ALKBH2: variants seen among roughly 807,000 people sequenced by gnomAD.
The protein encoded by ALKBH2 is alkB homolog 2, alpha-ketoglutarate dependent dioxygenase.
A neutral mutation model predicts 19.7 loss-of-function variants in ALKBH2; 19 were observed. That is an observed-to-expected ratio of 0.97 (90% CI 0.67 to 1.42). The LOEUF (loss-of-function observed/expected upper bound fraction) is 1.42. Among genes scored for constraint, ALKBH2 ranks in the 40% most tolerant of loss-of-function variants. ALKBH2 has a pLI of 0.00. For missense variants in ALKBH2, 310 were observed against 328.5 expected, an observed-to-expected ratio of 0.94 and a Z score of 0.43; for synonymous variants, 135 against 131.2, an observed-to-expected ratio of 1.03 and a Z score of -0.20.
rs757207138 is a variant in ALKBH2, at chr12:109,092,652, G to T, written c.135C>A (p.Ala45=). The change falls in exon 2 of 4, where the codon GCC becomes GCA. Residue 45 remains alanine (A), a synonymous_variant. Transcript: ENST00000429722. The stretch of plus-strand genomic sequence containing the variant: ...CTGCTGAGTGGCCTCCATTCCCTGG[G>T]GCCTCTCTCCTGGGCCTCTTCCTTG... The part of the protein sequence containing the change: ...ESTRKRPRRE[A]PGNGGHSAGP... 6.2e-7 allele frequency: 1 copy of T among 1,614,084 alleles called. No individual in the cohort carries two copies.
In ALKBH2 at chr12:109,092,820, C is replaced by A. The variant is rs776194581; in HGVS notation, c.-34G>T. ...CACAGGAAAGAAGGGACGTCAGTGGCGAGGCCAAGACAGAAATTGCTCAAG... is the reference window on the plus strand; with the variant it reads ...CACAGGAAAGAAGGGACGTCAGTGGAGAGGCCAAGACAGAAATTGCTCAAG... On this transcript the variant is annotated 5_prime_UTR_variant, in exon 2 of 4. Coordinates refer to ENST00000429722, the MANE Select transcript of ALKBH2 (RefSeq NM_001145374.2). 2.5e-6 allele frequency: 4 copies of A among 1,571,958 alleles called. No individual in the cohort carries two copies. The East Asian group carries it at 6.7e-5, about 27-fold the overall frequency.
chr12:109,088,394 T>C lies in ALKBH2; in HGVS notation c.598A>G (p.Lys200Glu). 1.2e-6 allele frequency: 2 copies of C among 1,613,618 alleles called. No individual in the cohort carries two copies. Among genetic ancestry groups the C allele is most frequent in the Non-Finnish European group, 8.5e-7 (1 of 1,179,960 alleles). The change falls in exon 4 of 4, where the codon AAG becomes GAG. Residue 200 changes from lysine (K) to glutamate (E), a missense_variant. By Grantham distance (56) the Lys-to-Glu change is moderately conservative. Coordinates refer to ENST00000429722, the MANE Select transcript of ALKBH2 (RefSeq NM_001145374.2). This position sits in a 1 kb window ranked among gnomAD's most constrained non-coding sequence, Gnocchi z 4.2. ...GAGGGGCTTTTCCCACGGGAATCCT[T>C]ATGCCGGAAGACAAAGTCTCTGCAG... ...GACRDFVFRHKDSRGKSPSRR... is the reference protein window; with the variant it reads ...GACRDFVFRHEDSRGKSPSRR...
chr12:109,089,843 G>C, intron 3 of ALKBH2, 166 bp downstream of exon 3: 1 of 665,916 alleles, frequency 1.5e-6, no homozygotes, highest in Non-Finnish European at 2.6e-6. Flanking sequence ...TCCGGGATGA[G>C]CTCCAGGATC....
chr12:109,092,932 C>A lies in ALKBH2; in HGVS notation c.-146G>T. On this transcript the variant is annotated 5_prime_UTR_variant, in exon 2 of 4. The change abolishes an upstream ATG in the 5' untranslated region. Coordinates refer to ENST00000429722, the MANE Select transcript of ALKBH2 (RefSeq NM_001145374.2). Reference sequence around the variant, plus strand: ...ACATTTTCATTTTAAAGTTTAAAACCATGTCCTAGAAAGGAAACAGAAGAT... The same window carrying A: ...ACATTTTCATTTTAAAGTTTAAAACAATGTCCTAGAAAGGAAACAGAAGAT... 1 of 1,453,928 alleles carries A rather than the reference C, an allele frequency of 6.9e-7. No individual in the cohort carries two copies. The highest frequency in any genetic ancestry group is 9.0e-7 in the Non-Finnish European group (1 of 1,109,892). 90.1% of individuals were successfully genotyped at this position (1,453,928 alleles called of 1,614,324 possible). A position where few individuals can be genotyped will look rare whatever the true frequency, so the allele number is the denominator to read the frequency against.
Position 109,090,096 on chromosome 12 carries a change from G to A in ALKBH2, c.392C>T (p.Pro131Leu). The change falls in exon 3 of 4, where the codon CCA becomes CTA. Residue 131 changes from proline to leucine, a missense_variant. Coordinates refer to ENST00000429722, the MANE Select transcript of ALKBH2 (RefSeq NM_001145374.2). ...TYTFSGLTLS[P>L]KPWIPVLERI... ...CTCTAGAACTGGGATCCAGGGCTTT[G>A]GAGACAGCGTGAGGCCTGAAAATGT... 6.2e-7 allele frequency: 1 copy of A among 1,614,192 alleles called. No homozygotes were observed. The highest frequency in any genetic ancestry group is 1.1e-5 in the South Asian group (1 of 91,082).
At position 109,090,211 on chromosome 12, in the gene ALKBH2, T is replaced by C. The variant is rs1350703972; in HGVS notation, c.281-4A>G. On this transcript the variant is annotated splice_region_variant and splice_polypyrimidine_tract_variant and intron_variant, in intron 2 of 3. Coordinates refer to ENST00000429722, the MANE Select transcript of ALKBH2 (RefSeq NM_001145374.2). ...ACCTGGACTCTGGCCAGTGCTCCTG[T>C]GCAGAGGAAACATGGCAGTTCCTTT... 1.2e-6 allele frequency: 2 copies of C among 1,612,658 alleles called. No homozygotes were observed. The highest frequency in any genetic ancestry group is 4.5e-5 in the East Asian group (2 of 44,872).
intron 2 of ALKBH2, 92 bp downstream of exon 2, chr12:109,092,415 C>T: frequency 7.0e-7 from 1 of 1,424,176 alleles, no homozygotes; most frequent in Non-Finnish European, 9.2e-7. Context: ...AATAATGGAT[C>T]CTGAGTTCAG....
At chr12:109,090,925 C>T (rs2042051752) in intron 2 of ALKBH2, among the ~76,000 whole-genome samples, 1 of 152,152 alleles carries the variant, frequency 6.6e-6, no homozygotes, top group Non-Finnish European at 1.5e-5. Flanking sequence ...TTAGTGAACA[C>T]TGTAACTTAA....
Position 109,088,659 on chromosome 12 carries a change from G to T in ALKBH2, c.480-147C>A. The T allele has an allele frequency of 1.4e-6, 1 of 689,760 alleles. No individual in the cohort carries two copies. The highest frequency in any genetic ancestry group is 2.1e-5 in the South Asian group (1 of 47,930). The allele number at this position is 689,760 out of a possible 1,614,324, so 42.7% of individuals were successfully genotyped here. ...TTTCTGCGAGGGCTTGAGGTCCACA[G>T]TGGGCTCTAAGATAAGCCAACGCTG... On this transcript the variant is annotated intron_variant, in intron 3 of 3. Transcript: ENST00000429722. The surrounding 1 kb of genome is among the most constrained non-coding windows in gnomAD (Gnocchi z 4.2).
intron 2 of ALKBH2, among the ~76,000 whole-genome samples, chr12:109,091,004 C>T (rs2042052531): frequency 2.0e-5 from 3 of 152,158 alleles, no homozygotes; most frequent in Non-Finnish European, 1.5e-5. Flanking sequence ...AGTTTACAGG[C>T]TAGGATAGCT....
rs377150426 is a variant in ALKBH2 at position 109,088,239 on chromosome 12, C to G, written c.753G>C (p.Leu251=). Residue 251 remains leucine, a synonymous_variant, in exon 4 of 4, where the codon CTG becomes CTC. Coordinates refer to ENST00000429722, the MANE Select transcript of ALKBH2 (RefSeq NM_001145374.2). This position sits in a 1 kb window ranked among gnomAD's most constrained non-coding sequence, Gnocchi z 4.2. ...RKKVLAPRVN[L]TFRKILLTKK Reference sequence around the variant, plus strand: ...TAGTAAGCAAAATTTTACGAAAAGTCAGATTCACCCGTGGAGCCAGAACCT... The same window carrying G: ...TAGTAAGCAAAATTTTACGAAAAGTGAGATTCACCCGTGGAGCCAGAACCT... 3.1e-6 allele frequency: 5 copies of G among 1,597,770 alleles called. No individual in the cohort carries two copies. Among genetic ancestry groups the G allele is most frequent in the Admixed American group, 3.5e-5 (2 of 57,196 alleles).
chr12:109,090,883 C>T (rs1419749756), intron 2 of ALKBH2, among the ~76,000 whole-genome samples: 3 of 152,150 alleles, frequency 2.0e-5, no homozygotes, highest in Non-Finnish European at 4.4e-5. Context: ...TCTTGTTCTA[C>T]AAGGAGAGAA....
chr12:109,088,660 T>G lies in ALKBH2; in HGVS notation c.480-148A>C, dbSNP rs1036594856. 191 of 685,398 alleles carry G rather than the reference T, an allele frequency of 2.8e-4. 1 individual carries two copies. The highest frequency in any genetic ancestry group is 4.6e-5 in the Non-Finnish European group (19 of 417,154). The allele number at this position is 685,398 out of a possible 1,614,324, so 42.5% of individuals were successfully genotyped here. ...TTCTGCGAGGGCTTGAGGTCCACAG[T>G]GGGCTCTAAGATAAGCCAACGCTGA... On this transcript the variant is annotated intron_variant, in intron 3 of 3. Coordinates refer to ENST00000429722, the MANE Select transcript of ALKBH2 (RefSeq NM_001145374.2). The surrounding 1 kb of genome is among the most constrained non-coding windows in gnomAD (Gnocchi z 4.2).
rs1272860848 is a variant in ALKBH2 at position 109,090,042 on chromosome 12, G to T, written c.446C>A (p.Thr149Asn). The change falls in exon 3 of 4, where the codon ACT (threonine) becomes AAT (asparagine). Residue 149 changes from threonine to asparagine, a missense_variant. Physicochemically the swap from Thr to Asn is moderately conservative, Grantham distance 65 (BLOSUM62 0). Transcript: ENST00000429722. The part of the protein sequence containing the change: ...ERIRDHVSGV[T>N]GQTFNFVLIN... ...GAGCACAAAGTTGAAGGTCTGTCCAGTCACCCCAGAGACGTGATCCCGGAT... is the reference window on the plus strand; with the variant it reads ...GAGCACAAAGTTGAAGGTCTGTCCATTCACCCCAGAGACGTGATCCCGGAT... 1 of 1,614,206 alleles carries T rather than the reference G, an allele frequency of 6.2e-7. No individual in the cohort carries two copies. The highest frequency in any genetic ancestry group is 1.1e-5 in the South Asian group (1 of 91,088).
chr12:109,088,366 C>T lies in ALKBH2; in HGVS notation c.626G>A (p.Arg209Lys). The change falls in exon 4 of 4, where the codon AGG (arginine) becomes AAG (lysine). Residue 209 changes from arginine (R) to lysine (K), a missense_variant. Transcript: ENST00000429722. This position sits in a 1 kb window ranked among gnomAD's most constrained non-coding sequence, Gnocchi z 4.2. ...HKDSRGKSPS[R>K]RVAVVRLPLA... ...CGGCAGCCTGACCACCGCCACCCTC[C>T]TGGAGGGGCTTTTCCCACGGGAATC... The T allele has an allele frequency of 6.2e-7, 1 of 1,614,090 alleles. No individual in the cohort carries two copies. The highest frequency in any genetic ancestry group is 1.1e-5 in the South Asian group (1 of 91,074).
chr12:109,088,662 G>A lies in ALKBH2; in HGVS notation c.480-150C>T. Reference sequence around the variant, plus strand: ...CTGCGAGGGCTTGAGGTCCACAGTGGGCTCTAAGATAAGCCAACGCTGAAG... The same window carrying A: ...CTGCGAGGGCTTGAGGTCCACAGTGAGCTCTAAGATAAGCCAACGCTGAAG... On this transcript the variant is annotated intron_variant, in intron 3 of 3. Coordinates refer to ENST00000429722, the MANE Select transcript of ALKBH2 (RefSeq NM_001145374.2). This position sits in a 1 kb window ranked among gnomAD's most constrained non-coding sequence, Gnocchi z 4.2. 3.0e-6 allele frequency: 2 copies of A among 670,204 alleles called. No individual in the cohort carries two copies. The highest frequency in any genetic ancestry group is 4.9e-6 in the Non-Finnish European group (2 of 404,580). The allele number at this position is 670,204 out of a possible 1,614,324, so 41.5% of individuals were successfully genotyped here. A position where few individuals can be genotyped will look rare whatever the true frequency, so the allele number is the denominator to read the frequency against.
intron 3 of ALKBH2, 136 bp downstream of exon 3, chr12:109,089,873 C>T (rs1244986766): frequency 1.1e-5 from 10 of 883,330 alleles, no homozygotes; most frequent in East Asian, 5.3e-5. Flanking sequence ...CGAGTGCTGG[C>T]GCTATTCCAC....
Position 109,090,195 on chromosome 12 carries a change from C to T in ALKBH2, c.293G>A (p.Arg98Lys). Residue 98 changes from arginine to lysine, a missense_variant, in exon 3 of 4, where the codon AGA (arginine) becomes AAA (lysine). Transcript: ENST00000429722. ...GTGCCACTTCCCGAATACCTGGACT[C>T]TGGCCAGTGCTCCTGTGCAGAGGAA... is the stretch of plus-strand genomic sequence containing the variant. ...EVEYFTGALA[R>K]VQVFGKWHSV... is the part of the protein sequence containing the mutation. 1 of 1,613,590 alleles carries T rather than the reference C, an allele frequency of 6.2e-7. No homozygotes were observed. Among genetic ancestry groups the T allele is most frequent in the Non-Finnish European group, 8.5e-7 (1 of 1,180,018 alleles).
chr12:109,088,550 C>G lies in ALKBH2; in HGVS notation c.480-38G>C, dbSNP rs1450739667. ...AACAAACACAGTGCATAAAAACAAC[C>G]CTCTCCTGAAACTCACCAGCACCGC... On this transcript the variant is annotated intron_variant, in intron 3 of 3. Coordinates refer to ENST00000429722, the MANE Select transcript of ALKBH2 (RefSeq NM_001145374.2). The surrounding 1 kb of genome is among the most constrained non-coding windows in gnomAD (Gnocchi z 4.2). The G allele has an allele frequency of 6.5e-7, 1 of 1,542,178 alleles. No homozygotes were observed. Among genetic ancestry groups the G allele is most frequent in the Non-Finnish European group, 8.8e-7 (1 of 1,139,460 alleles).
Sources: gnomAD v4.1 joint callset for allele counts (sites outside exome capture counted in the v4.1 genomes callset) on GRCh38, gnomAD v4.1.1 for gene constraint, Gnocchi (gnomAD v3.1) non-coding constraint, MANE v1.5 for transcripts, NCBI Gene and HGNC (gene_info 2026-07-23, HGNC 2026-07-21) for gene names.